GNA14: variants seen among roughly 807,000 people sequenced by gnomAD.
GNA14 encodes G protein subunit alpha 14, also known as guanine nucleotide-binding protein subunit alpha-14.
In GNA14, 50 loss-of-function variants were observed where a neutral mutation model predicts 42.0. The ratio of observed to expected loss-of-function variants is 1.19; its 90% CI spans 0.95 to 1.51. GNA14 has a LOEUF of 1.51. GNA14 is among the 40% of genes most tolerant of loss of function. The pLI is 0.00. For missense variants in GNA14, 473 were observed against 446.2 expected, an observed-to-expected ratio of 1.06 and a Z score of -0.54; for synonymous variants, 173 against 163.1, an observed-to-expected ratio of 1.06 and a Z score of -0.46.
chr9:77,574,144 T>C (rs1180432222), intron 1 of GNA14, among the ~76,000 whole-genome samples: 1 of 151,908 alleles, frequency 6.6e-6, no homozygotes, highest in Non-Finnish European at 1.5e-5. Flanking sequence ...GTCTCTAAAA[T>C]TAAAATTAAG....
intron 2 of GNA14, among the ~76,000 whole-genome samples, chr9:77,467,000 G>A (rs998362057): frequency 2.1e-3 from 295 of 143,624 alleles, no homozygotes; most frequent in Middle Eastern, 6.9e-3. Context: ...TTTACCACTC[G>A]GTGTGTGTGT....
chr9:77,444,814 G>A (rs1281621291), intron 2 of GNA14, among the ~76,000 whole-genome samples: 4 of 152,154 alleles, frequency 2.6e-5, no homozygotes, highest in Non-Finnish European at 4.4e-5. Context: ...TTAGGTCCAG[G>A]GGGAGGTAGC....
chr9:77,615,752 C>T (rs1171743434), intron 1 of GNA14, among the ~76,000 whole-genome samples: 4 of 138,178 alleles, frequency 2.9e-5, no homozygotes, highest in Non-Finnish European at 6.2e-5. Flanking sequence ...CACACACACA[C>T]GTTTAAATAA....
intron 2 of GNA14, among the ~76,000 whole-genome samples, chr9:77,489,689 C>G (rs371139165): frequency 1.5e-3 from 231 of 151,880 alleles, no homozygotes; most frequent in African/African-American, 5.2e-3. Flanking sequence ...AAGCTGCAGA[C>G]CTTCGCGGTG....
chr9:77,449,897 A>C (rs1249039050), intron 2 of GNA14, among the ~76,000 whole-genome samples: 1 of 152,162 alleles, frequency 6.6e-6, no homozygotes, highest in Non-Finnish European at 1.5e-5. Flanking sequence ...CTCCTTCTAG[A>C]CATTCCCTGT....
At chr9:77,624,625 A>C (rs1823986127) in intron 1 of GNA14, among the ~76,000 whole-genome samples, 1 of 152,218 alleles carries the variant, frequency 6.6e-6, no homozygotes, top group East Asian at 1.9e-4. Context: ...ATACCCAGGC[A>C]AACTGGGTCT....
At chr9:77,501,508 G>C (rs115952489) in intron 2 of GNA14, among the ~76,000 whole-genome samples, 82 of 152,080 alleles carry the variant, frequency 5.4e-4, no homozygotes, top group African/African-American at 1.9e-3. Flanking sequence ...CTTCTTCACC[G>C]AAATGCCTCT....
intron 1 of GNA14, among the ~76,000 whole-genome samples, chr9:77,534,650 A>G (rs1389703061): frequency 6.6e-6 from 1 of 152,230 alleles, no homozygotes; most frequent in African/African-American, 2.4e-5. Flanking sequence ...GAATGAGCAC[A>G]CAGTTCTGGA....
In GNA14 at chr9:77,425,857, G is replaced by A. The variant is rs1835447130; in HGVS notation, c.724-142C>T. 7.4e-6 allele frequency: 5 copies of A among 676,714 alleles called. No homozygotes were observed. In the South Asian group the frequency reaches 9.6e-5, roughly 13 times the overall value. The allele number at this position is 676,714 out of a possible 1,614,324, so 41.9% of individuals were successfully genotyped here. A position where few individuals can be genotyped will look rare whatever the true frequency, so the allele number is the denominator to read the frequency against. On this transcript the variant is annotated intron_variant, in intron 5 of 6. Coordinates refer to ENST00000341700, the MANE Select transcript of GNA14 (RefSeq NM_004297.4). ...GTCTGCTGAAGCTGGTGAGCATGTG[G>A]GGCCCCAGGCTACAGGCCTCCTGCT...
In GNA14 at chr9:77,425,605, T is replaced by A. The variant is rs1835441257; in HGVS notation, c.834A>T (p.Lys278Asn). 1 of 1,609,594 alleles carries A rather than the reference T, an allele frequency of 6.2e-7. No individual in the cohort carries two copies. The highest frequency in any genetic ancestry group is 8.5e-7 in the Non-Finnish European group (1 of 1,176,194). The change falls in exon 6 of 7, where the codon AAA becomes AAT. Residue 278 changes from lysine to asparagine, a missense_variant. Transcript: ENST00000341700. ...AGCTAATTAGATGAGAGTACATGAT[T>A]TTCTCTTCCAAAAGATCCTTCTTGT... ...FLNKKDLLEE[K>N]IMYSHLISYF... is the part of the protein sequence containing the mutation.
chr9:77,603,069 G>T (rs929819774), intron 1 of GNA14, among the ~76,000 whole-genome samples: 5 of 152,176 alleles, frequency 3.3e-5, no homozygotes, highest in African/African-American at 1.2e-4. Context: ...CAAATTAGTG[G>T]CTCCCAAAGT....
At chr9:77,476,050 AAG>A (rs1173366688) in intron 2 of GNA14, among the ~76,000 whole-genome samples, 1 of 152,170 alleles carries the variant, frequency 6.6e-6, no homozygotes, top group Non-Finnish European at 1.5e-5. Context: ...GAAATGCAAA[AAG>A]AGATGCTCTG....
intron 1 of GNA14, among the ~76,000 whole-genome samples, chr9:77,625,329 A>G (rs961165365): frequency 5.9e-5 from 9 of 152,188 alleles, no homozygotes; most frequent in Non-Finnish European, 1.0e-4. Flanking sequence ...AGTCTTCAGG[A>G]TATTATCCAG....
Position 77,425,710 on chromosome 9 carries a change from G to T in GNA14, c.729C>A (p.Arg243=), listed in dbSNP as rs1370059005. ...QVLAECDNEN[R]MEESKALFKT... ...TAAATAAGGCTTTGCTCTCTTCCAT[G>T]CGATTCTAAGTGAAAAACAAGGGAC... Residue 243 remains arginine, a synonymous_variant, in exon 6 of 7, where the codon CGC becomes CGA. Transcript: ENST00000341700. 6.3e-7 allele frequency: 1 copy of T among 1,593,836 alleles called. No homozygotes were observed. Among genetic ancestry groups the T allele is most frequent in the East Asian group, 2.2e-5 (1 of 44,490 alleles).
chr9:77,429,440 C>T (rs1015067462), intron 4 of GNA14, among the ~76,000 whole-genome samples: 1 of 152,170 alleles, frequency 6.6e-6, no homozygotes, highest in Non-Finnish European at 1.5e-5. Context: ...CTTCAGGACC[C>T]GAGCCTATTC....
At chr9:77,429,124 G>T in intron 4 of GNA14, 88 bp from the exon 5 acceptor site, 2 of 1,245,270 alleles carry the variant, frequency 1.6e-6, no homozygotes, top group Non-Finnish European at 2.3e-6. Flanking sequence ...GGAAACCAGT[G>T]CTCTTGGAGT....
intron 1 of GNA14, among the ~76,000 whole-genome samples, chr9:77,565,204 A>G (rs1336077532): frequency 6.6e-6 from 1 of 152,164 alleles, no homozygotes; most frequent in Non-Finnish European, 1.5e-5. Context: ...ATTCCTGTAA[A>G]TCTCTGCTGT....
At chr9:77,443,669 T>C (rs1406174251) in intron 2 of GNA14, among the ~76,000 whole-genome samples, 1 of 152,244 alleles carries the variant, frequency 6.6e-6, no homozygotes, top group East Asian at 1.9e-4. Context: ...TTCGTTACTT[T>C]ATCTTTTCTT....
intron 1 of GNA14, among the ~76,000 whole-genome samples, chr9:77,592,000 C>T (rs138601715): frequency 8.2e-4 from 124 of 151,836 alleles, no homozygotes; most frequent in African/African-American, 2.9e-3. Flanking sequence ...CTGCAAGCTC[C>T]GCTTCCCGGG....
Sources: gnomAD v4.1 joint callset for allele counts (sites outside exome capture counted in the v4.1 genomes callset) on GRCh38, gnomAD v4.1.1 for gene constraint, MANE v1.5 for transcripts, NCBI Gene and HGNC (gene_info 2026-07-23, HGNC 2026-07-21) for gene names.